The following NFATC1 variants were observed in gnomAD, a reference collection of about 807,000 sequenced individuals.
NFATC1 encodes nuclear factor of activated T cells 1.
Under a neutral mutation model 76.0 loss-of-function variants are expected in NFATC1, and 22 were observed. The observed-to-expected ratio is 0.29, with a 90% CI of 0.21 to 0.41. NFATC1 has a LOEUF of 0.41. Among genes scored for constraint, NFATC1 ranks in the 10% least tolerant of loss-of-function variants. The pLI is 1.00. For synonymous variants in NFATC1, 704 were observed against 613.1 expected (o/e 1.15, Z -2.19); for missense variants, 1,357 against 1,337.7 (o/e 1.01, Z -0.23).
Position 79,439,070 on chromosome 18 carries a change from G to A in NFATC1, c.1386+5332G>A, listed in dbSNP as rs1412697782. On this transcript the variant is annotated intron_variant, in intron 3 of 9. Transcript: ENST00000427363. ...TTCAGCTGGCAGGGGCTCGGGGAGT[G>A]TTCAGTACCGTGAGGAGCAGGTTCC... is the stretch of plus-strand genomic sequence containing the variant. Among the ~76,000 whole-genome samples the A allele has an allele frequency of 2.0e-5, 3 of 152,264 alleles. No individual in the cohort carries two copies. The East Asian group carries it at 5.8e-4, about 29-fold the overall frequency.
chr18:79,528,387 CTATT>C lies in NFATC1; in HGVS notation c.*814_*817del, dbSNP rs377276040. On this transcript the variant is annotated 3_prime_UTR_variant, in exon 10 of 10. Transcript: ENST00000427363. Reference sequence around the variant, plus strand: ...TGCATGTGTGTACATATCTAGGCATCTATTTATGTATAAATAATAACAGAGCCGA... The same window carrying C: ...TGCATGTGTGTACATATCTAGGCATCTATGTATAAATAATAACAGAGCCGA... 1,098 of 153,758 alleles carry C rather than the reference CTATT, an allele frequency of 7.1e-3. 14 individuals carry two copies. The highest frequency in any genetic ancestry group is 0.025 in the African/African-American group (1,025 of 41,650). 9.5% of individuals were successfully genotyped at this position (153,758 alleles called of 1,614,324 possible).
intron 8 of NFATC1, among the ~76,000 whole-genome samples, chr18:79,476,664 A>G (rs927791685): frequency 6.6e-6 from 1 of 151,940 alleles, no homozygotes; most frequent in Admixed American, 6.5e-5. Flanking sequence ...GACGTGATAA[A>G]CCTGAGGGAA....
At chr18:79,447,216 C>T (rs2087245633) in intron 3 of NFATC1, among the ~76,000 whole-genome samples, 1 of 152,228 alleles carries the variant, frequency 6.6e-6, no homozygotes, top group Admixed American at 6.5e-5. Context: ...CTTCGCCTGC[C>T]CGGGCCCCTC....
intron 1 of NFATC1, among the ~76,000 whole-genome samples, chr18:79,407,367 A>G (rs577507910): frequency 9.6e-4 from 146 of 152,194 alleles, no homozygotes; most frequent in African/African-American, 3.4e-3. Context: ...TGGAGGCTGG[A>G]ATTGGCGTCA....
At chr18:79,478,658 G>T (rs558766412) in intron 8 of NFATC1, among the ~76,000 whole-genome samples, 1 of 152,334 alleles carries the variant, frequency 6.6e-6, no homozygotes, top group South Asian at 2.1e-4. Context: ...TTTGGGAGGG[G>T]AGGTCCTGGA....
chr18:79,453,687 C>T (rs1313248976), intron 6 of NFATC1, among the ~76,000 whole-genome samples: 2 of 152,264 alleles, frequency 1.3e-5, no homozygotes, highest in East Asian at 1.9e-4. Context: ...GTCTGGTATA[C>T]AGCAGGTGAG....
At chr18:79,469,771 T>G in intron 8 of NFATC1, 2 of 985,344 alleles carry the variant, frequency 2.0e-6, no homozygotes, top group Non-Finnish European at 2.4e-6. Context: ...AGCACCATAG[T>G]CCCTGGGTGA....
In NFATC1 at chr18:79,446,866, C is replaced by T. The variant is rs146662778; in HGVS notation, c.1387-1916C>T. Among the ~76,000 whole-genome samples the T allele has an allele frequency of 1.0e-3, 154 of 152,314 alleles. 1 individual carries two copies. Among genetic ancestry groups the T allele is most frequent in the African/African-American group, 3.5e-3 (145 of 41,574 alleles). ...TCATCCCTGTCTGTGGCTTCCCCAC[C>T]GTGTTCCCACGTGATGCCTTCGTTC... is the stretch of plus-strand genomic sequence containing the variant. On this transcript the variant is annotated intron_variant, in intron 3 of 9. Coordinates refer to ENST00000427363, the MANE Select transcript of NFATC1 (RefSeq NM_001278669.2).
At chr18:79,477,098 A>G (rs2089104277) in intron 8 of NFATC1, among the ~76,000 whole-genome samples, 1 of 152,184 alleles carries the variant, frequency 6.6e-6, no homozygotes, top group Admixed American at 6.5e-5. Context: ...AGGAGAAATG[A>G]TGCCTCTCAG....
At chr18:79,516,829 G>A (rs2090397073) in intron 9 of NFATC1, among the ~76,000 whole-genome samples, 1 of 152,160 alleles carries the variant, frequency 6.6e-6, no homozygotes, top group Admixed American at 6.5e-5. Context: ...CCTATTTTCT[G>A]ATCTCTAATT....
rs552763753 is a variant in NFATC1 at position 79,446,488 on chromosome 18, C to T, written c.1387-2294C>T. ...TTAAATCTCGGAAAATGGAATACTG[C>T]GTGGCAGAATCCGCCTCTTAATCTG... On this transcript the variant is annotated intron_variant, in intron 3 of 9. Coordinates refer to ENST00000427363, the MANE Select transcript of NFATC1 (RefSeq NM_001278669.2). 4.6e-5 allele frequency among the ~76,000 whole-genome samples: 7 copies of T among 152,242 alleles called. No homozygotes were observed. In the South Asian group the frequency reaches 1.2e-3, roughly 27 times the overall value.
chr18:79,483,557 C>T (rs1600881405), intron 8 of NFATC1, among the ~76,000 whole-genome samples: 2 of 116,642 alleles, frequency 1.7e-5, no homozygotes, highest in African/African-American at 7.2e-5. Flanking sequence ...GTGACCTGGT[C>T]CTGGGGTGTC....
chr18:79,437,750 T>C lies in NFATC1; in HGVS notation c.1386+4012T>C, dbSNP rs550920943. Among the ~76,000 whole-genome samples, 5 of 152,256 alleles carry C rather than the reference T, an allele frequency of 3.3e-5. No homozygotes were observed. In the East Asian group the frequency reaches 5.8e-4, roughly 18 times the overall value. ...GGAGGGTCTCTCTGTACACACAGTC[T>C]CCTCACCCTGGAGGGCCTGCTCTGC... On this transcript the variant is annotated intron_variant, in intron 3 of 9. Coordinates refer to ENST00000427363, the MANE Select transcript of NFATC1 (RefSeq NM_001278669.2).
Position 79,436,161 on chromosome 18 carries a change from C to T in NFATC1, c.1386+2423C>T, listed in dbSNP as rs945997140. On this transcript the variant is annotated intron_variant, in intron 3 of 9. Transcript: ENST00000427363. The stretch of plus-strand genomic sequence containing the variant: ...GTAACCGCAGACGTGCCCTCGGTGC[C>T]GTCGGGTTATTTTAGTACATCCTTT... Among the ~76,000 whole-genome samples the T allele has an allele frequency of 5.3e-5, 8 of 152,208 alleles. No individual in the cohort carries two copies. In the South Asian group the frequency reaches 1.0e-3, roughly 20 times the overall value.
intron 3 of NFATC1, among the ~76,000 whole-genome samples, chr18:79,444,379 G>A (rs2087108501): frequency 1.3e-5 from 2 of 152,222 alleles, no homozygotes; most frequent in Non-Finnish European, 2.9e-5. Context: ...ACTGCACACT[G>A]GGAACCAGGA....
At chr18:79,493,875 A>C (rs1201693621) in intron 9 of NFATC1, 1 of 152,178 alleles carries the variant, frequency 6.6e-6, no homozygotes, top group African/African-American at 2.4e-5. Flanking sequence ...AGGCGTAAAA[A>C]TCGCACCGCA....
At chr18:79,458,484 C>T (rs1257062577) in intron 6 of NFATC1, among the ~76,000 whole-genome samples, 1 of 152,194 alleles carries the variant, frequency 6.6e-6, no homozygotes, top group African/African-American at 2.4e-5. Flanking sequence ...CGGCTCCGGG[C>T]GGCGGGTCCT....
chr18:79,490,131 G>T (rs1344524986), intron 9 of NFATC1, among the ~76,000 whole-genome samples: 1 of 151,888 alleles, frequency 6.6e-6, no homozygotes, highest in Non-Finnish European at 1.5e-5. Flanking sequence ...GCCCCTCTCG[G>T]TCCTTCACAG....
At chr18:79,505,605 T>G (rs76765894) in intron 9 of NFATC1, among the ~76,000 whole-genome samples, 156 of 103,864 alleles carry the variant, frequency 1.5e-3, no homozygotes, top group South Asian at 4.2e-3. Flanking sequence ...CCTTGGGTGA[T>G]GGAAGAGGCA....
Sources: allele counts gnomAD v4.1 joint callset (sites outside exome capture counted in the v4.1 genomes callset), GRCh38; gene constraint gnomAD v4.1.1; transcripts MANE v1.5; gene names NCBI Gene and HGNC (gene_info 2026-07-23, HGNC 2026-07-21).